AFTPH: variants seen among roughly 807,000 people sequenced by gnomAD.
AFTPH encodes aftiphilin.
AFTPH carries 7 observed loss-of-function variants against 72.5 expected under a neutral mutation model. The ratio of observed to expected loss-of-function variants is 0.10; its 90% CI spans 0.05 to 0.18. AFTPH has a LOEUF of 0.18. Ranked by LOEUF, AFTPH falls within the 10% of genes least tolerant of loss-of-function variation. The pLI is 1.00. For synonymous variants in AFTPH, 337 were observed against 370.1 expected (o/e 0.91, Z 1.03); for missense variants, 979 against 1,060.5 (o/e 0.92, Z 1.07).
At chr2:64,552,117 C>G (rs1421114459) in exon 2 of AFTPH, 1 of 1,613,980 alleles carries the variant, frequency 6.2e-7, no homozygotes. Context: ...TCTTAGCACT[C>G]ATAGCACTGA....
intron 1 of AFTPH, among the ~76,000 whole-genome samples, chr2:64,545,140 C>T (rs1390651967): frequency 2.6e-5 from 4 of 151,698 alleles, no homozygotes; most frequent in Non-Finnish European, 4.4e-5. Context: ...TGGAAAAAAG[C>T]AATAGGTTAA....
chr2:64,537,454 AAG>A (rs1448001330), intron 1 of AFTPH, among the ~76,000 whole-genome samples: 57 of 152,328 alleles, frequency 3.7e-4, no homozygotes, highest in African/African-American at 1.3e-3. Context: ...AAATTTTAAA[AAG>A]AATTCATTAA....
At chr2:64,575,819 A>G (rs1234747296) in intron 6 of AFTPH, among the ~76,000 whole-genome samples, 1 of 149,756 alleles carries the variant, frequency 6.7e-6, no homozygotes, top group Admixed American at 6.7e-5. Context: ...GCTCACTGCA[A>G]CCTCCACCTC....
At position 64,532,333 on chromosome 2, in the gene AFTPH, A is replaced by C. The variant is rs1001228245; in HGVS notation, c.-33+7721A>C. Among the ~76,000 whole-genome samples, 27 of 152,332 alleles carry C rather than the reference A, an allele frequency of 1.8e-4. No individual in the cohort carries two copies. In the Middle Eastern group the frequency reaches 0.027, roughly 154 times the overall value. On this transcript the variant is annotated intron_variant, in intron 1 of 8. Coordinates refer to ENST00000238856, the Ensembl canonical transcript of AFTPH. ...GAGGAATGGTTTAAAGTCTTTGTTAAAAATTTTTTTAAAAAAATCTTTATC... is the reference window on the plus strand; with the variant it reads ...GAGGAATGGTTTAAAGTCTTTGTTACAAATTTTTTTAAAAAAATCTTTATC...
At chr2:64,547,001 A>G (rs1670676659) in intron 1 of AFTPH, among the ~76,000 whole-genome samples, 1 of 152,110 alleles carries the variant, frequency 6.6e-6, no homozygotes, top group Non-Finnish European at 1.5e-5. Flanking sequence ...GTGAGCCGAG[A>G]TCGTGCCACT....
chr2:64,544,702 C>G (rs931197827), intron 1 of AFTPH, among the ~76,000 whole-genome samples: 2 of 152,012 alleles, frequency 1.3e-5, no homozygotes, highest in African/African-American at 4.8e-5. Context: ...CTTCAATTAA[C>G]ATGAAACTTC....
At chr2:64,530,150 C>T (rs550849527) in intron 1 of AFTPH, among the ~76,000 whole-genome samples, 71 of 151,996 alleles carry the variant, frequency 4.7e-4, no homozygotes, top group African/African-American at 1.6e-3. Context: ...AGTGAGGCTC[C>T]GTCTCAACAA....
intron 1 of AFTPH, among the ~76,000 whole-genome samples, chr2:64,530,594 C>T (rs890692845): frequency 6.6e-6 from 1 of 152,068 alleles, no homozygotes; most frequent in African/African-American, 2.4e-5. Context: ...AGAAAAATAT[C>T]ACTGGTCATC....
At chr2:64,576,753 C>A (rs1490815974) in intron 6 of AFTPH, among the ~76,000 whole-genome samples, 2 of 151,980 alleles carry the variant, frequency 1.3e-5, no homozygotes, top group Admixed American at 6.6e-5. Flanking sequence ...TAGTTCCATG[C>A]TCACTTTTTT....
chr2:64,571,108 A>T (rs1672398134), intron 5 of AFTPH, among the ~76,000 whole-genome samples: 1 of 151,966 alleles, frequency 6.6e-6, no homozygotes, highest in South Asian at 2.1e-4. Flanking sequence ...AAATTTACCC[A>T]TGGTACCTTA....
chr2:64,555,600 A>ACAC (rs1558611158), intron 2 of AFTPH, among the ~76,000 whole-genome samples: 30 of 137,312 alleles, frequency 2.2e-4, no homozygotes, highest in African/African-American at 8.3e-4. Context: ...CACACACACA[A>ACAC]GACTTTCTTG....
rs1302462285 is a variant in AFTPH, at chr2:64,573,443, AAAAAG to A, written c.2394+385_2394+389del. Reference sequence around the variant, plus strand: ...GTAAGTGCTGGGTTTAAAAAAAAAAAAAAAGAAAAGAAAAAAGGAAACACTGTATT... The same window carrying A: ...GTAAGTGCTGGGTTTAAAAAAAAAAAAAAAGAAAAAAGGAAACACTGTATT... On this transcript the variant is annotated intron_variant, in intron 6 of 8. Coordinates refer to ENST00000238856, the Ensembl canonical transcript of AFTPH. Among the ~76,000 whole-genome samples the A allele has an allele frequency of 6.6e-5, 10 of 151,654 alleles. No individual in the cohort carries two copies. In the East Asian group the frequency reaches 1.5e-3, roughly 23 times the overall value.
At chr2:64,577,639 T>A (rs1672905706) in intron 6 of AFTPH, among the ~76,000 whole-genome samples, 1 of 152,244 alleles carries the variant, frequency 6.6e-6, no homozygotes, top group Non-Finnish European at 1.5e-5. Context: ...AAGTTGAATC[T>A]GCTAGAATGC....
chr2:64,544,316 T>C (rs905003464), intron 1 of AFTPH, among the ~76,000 whole-genome samples: 7 of 152,206 alleles, frequency 4.6e-5, no homozygotes, highest in Non-Finnish European at 8.8e-5. Context: ...CAACTGTTTT[T>C]GTATACAGTG....
chr2:64,550,677 G>GCGCACA (rs777425715), intron 1 of AFTPH, among the ~76,000 whole-genome samples: 2 of 130,152 alleles, frequency 1.5e-5, no homozygotes, highest in Non-Finnish European at 3.2e-5. Flanking sequence ...CTGTACGCAT[G>GCGCACA]CACACACACA....
At chr2:64,543,836 C>A (rs983691925) in intron 1 of AFTPH, among the ~76,000 whole-genome samples, 3 of 152,214 alleles carry the variant, frequency 2.0e-5, no homozygotes, top group Admixed American at 6.5e-5. Flanking sequence ...CCAGAGCTTA[C>A]AACTTACAGA....
At chr2:64,543,210 T>A (rs549308198) in intron 1 of AFTPH, among the ~76,000 whole-genome samples, 1 of 152,358 alleles carries the variant, frequency 6.6e-6, no homozygotes, top group East Asian at 1.9e-4. Flanking sequence ...TCAAATATTT[T>A]GGCCATTTTT....
chr2:64,583,373 G>T (rs1158419825), intron 7 of AFTPH, among the ~76,000 whole-genome samples: 8 of 146,464 alleles, frequency 5.5e-5, no homozygotes, highest in African/African-American at 7.6e-5. Context: ...TTAAATAGTT[G>T]TCTTGTTTTT....
chr2:64,591,972 G>T, exon 9 of AFTPH: 1 of 1,613,888 alleles, frequency 6.2e-7, no homozygotes, highest in Non-Finnish European at 8.5e-7. Flanking sequence ...TGCATGCCAA[G>T]GTGTTGATGT....
Sources: allele counts gnomAD v4.1 joint callset (sites outside exome capture counted in the v4.1 genomes callset), GRCh38; gene constraint gnomAD v4.1.1; transcripts MANE v1.5; gene names NCBI Gene and HGNC (gene_info 2026-07-23, HGNC 2026-07-21).